Variants in LHFPL4 observed in about 807,000 individuals in gnomAD.
LHFPL4 encodes the protein LHFPL tetraspan subfamily member 4, also known as LHFPL tetraspan subfamily member 4 protein.
A neutral mutation model predicts 20.0 loss-of-function variants in LHFPL4; 6 were observed. That is an observed-to-expected ratio of 0.30 (90% CI 0.16 to 0.59). LHFPL4 has a LOEUF of 0.59. LHFPL4 is among the 20% of genes least tolerant of loss of function. LHFPL4 has a pLI of 0.88. For missense variants in LHFPL4, 215 were observed against 331.2 expected (o/e 0.65, Z 2.72); for synonymous variants, 129 against 143.8 (o/e 0.90, Z 0.74).
chr3:9,552,106 T>C (rs1056086510), intron 2 of LHFPL4, among the ~76,000 whole-genome samples, 168 bp downstream of exon 2: 27 of 149,856 alleles, frequency 1.8e-4, no homozygotes, highest in Admixed American at 1.3e-4. Flanking sequence ...GGTGTCTCTC[T>C]GCAGCGTACC....
At chr3:9,516,167 A>T (rs1322128938) in intron 2 of LHFPL4, among the ~76,000 whole-genome samples, 2 of 152,208 alleles carry the variant, frequency 1.3e-5, no homozygotes, top group African/African-American at 4.8e-5. Flanking sequence ...GTCATTGCCA[A>T]ACCCAAGGTA....
intron 2 of LHFPL4, among the ~76,000 whole-genome samples, chr3:9,535,160 A>G (rs2046437345): frequency 6.6e-6 from 1 of 152,228 alleles, no homozygotes; most frequent in Non-Finnish European, 1.5e-5. Flanking sequence ...TTAGGTCTCA[A>G]AAGGCTTTTA....
chr3:9,523,285 G>A (rs1692202792), intron 2 of LHFPL4, among the ~76,000 whole-genome samples: 1 of 150,946 alleles, frequency 6.6e-6, no homozygotes, highest in African/African-American at 2.4e-5. Flanking sequence ...GGAGGCTGAG[G>A]CAGGAGAATC....
rs1170124009 is a variant in LHFPL4, at chr3:9,552,636, T to C, written c.44A>G (p.Tyr15Cys). The change falls in exon 2 of 4, where the codon TAC becomes TGC. Residue 15 changes from tyrosine to cysteine, a missense_variant. Physicochemically the swap from Tyr to Cys is radical, Grantham distance 194. Transcript: ENST00000287585. ...GCCGATGGCCCGCGAGTTCCGCATG[T>C]AGTGCTCGTGGTAGAGCTTGGAGGC... ...QEASKLYHEH[Y>C]MRNSRAIGVL... 11 of 1,613,460 alleles carry C rather than the reference T, an allele frequency of 6.8e-6. No homozygotes were observed. The highest frequency in any genetic ancestry group is 3.4e-6 in the Non-Finnish European group (4 of 1,179,824).
intron 2 of LHFPL4, among the ~76,000 whole-genome samples, chr3:9,509,341 T>A (rs1313073400): frequency 1.3e-5 from 2 of 151,514 alleles, no homozygotes; most frequent in Non-Finnish European, 2.9e-5. Context: ...TTTCAGCACT[T>A]AACATTCATT....
intron 2 of LHFPL4, among the ~76,000 whole-genome samples, chr3:9,539,002 A>C (rs1013842706): frequency 2.6e-5 from 4 of 152,084 alleles, no homozygotes; most frequent in Non-Finnish European, 5.9e-5. Flanking sequence ...ACCTGGCCCA[A>C]ATTCAGGTTT....
At chr3:9,539,820 T>G (rs577217738) in intron 2 of LHFPL4, among the ~76,000 whole-genome samples, 2 of 152,064 alleles carry the variant, frequency 1.3e-5, no homozygotes, top group African/African-American at 4.8e-5. Flanking sequence ...AGTTTAAAAA[T>G]ATATATATAA....
rs114260259 is a variant in LHFPL4 at position 9,545,420 on chromosome 3, G to A, written c.406+6854C>T. Among the ~76,000 whole-genome samples, 459 of 152,194 alleles carry A rather than the reference G, an allele frequency of 3.0e-3. 1 individual carries two copies. Among genetic ancestry groups the A allele is most frequent in the African/African-American group, 9.8e-3 (406 of 41,534 alleles). On this transcript the variant is annotated intron_variant, in intron 2 of 3. Coordinates refer to ENST00000287585, the MANE Select transcript of LHFPL4 (RefSeq NM_198560.3). Reference sequence around the variant, plus strand: ...TGTGCTGGGCATGGTGGCTCAGGCCGGTAATTCCAGCACTTTGGGAGGCCA... The same window carrying A: ...TGTGCTGGGCATGGTGGCTCAGGCCAGTAATTCCAGCACTTTGGGAGGCCA...
intron 2 of LHFPL4, among the ~76,000 whole-genome samples, chr3:9,509,364 CCT>C (rs1459567866): frequency 6.6e-6 from 1 of 151,864 alleles, no homozygotes; most frequent in African/African-American, 2.4e-5. Context: ...ACTCCCTCCT[CCT>C]CTCTATTTCT....
At chr3:9,521,934 A>G (rs2046340414) in intron 2 of LHFPL4, among the ~76,000 whole-genome samples, 1 of 151,948 alleles carries the variant, frequency 6.6e-6, no homozygotes, top group African/African-American at 2.4e-5. Context: ...ACTATTTTAT[A>G]TTTGTTGACC....
rs557888361 is a variant in LHFPL4 at position 9,517,399 on chromosome 3, AT to A, written c.407-11197del. On this transcript the variant is annotated intron_variant, in intron 2 of 3. Coordinates refer to ENST00000287585, the MANE Select transcript of LHFPL4 (RefSeq NM_198560.3). ...TCTATTTCTTTCACTAGAGTTTGGT[AT>A]TTTTTTTCATATAAATCTTGTAAAT... Among the ~76,000 whole-genome samples the A allele has an allele frequency of 3.5e-4, 53 of 151,926 alleles. No homozygotes were observed. In the South Asian group the frequency reaches 1.0e-2, roughly 29 times the overall value.
At chr3:9,527,187 G>A (rs2046381401) in intron 2 of LHFPL4, among the ~76,000 whole-genome samples, 1 of 152,112 alleles carries the variant, frequency 6.6e-6, no homozygotes, top group Non-Finnish European at 1.5e-5. Flanking sequence ...TGGCCTCTGG[G>A]TGGGGCTTGG....
At chr3:9,505,868 A>C in intron 3 of LHFPL4, 99 bp downstream of exon 3, 1 of 1,180,084 alleles carries the variant, frequency 8.5e-7, no homozygotes, top group South Asian at 1.4e-5. Context: ...CAGGGTTTCC[A>C]ATTCATGCAA....
chr3:9,551,356 C>T (rs1223348550), intron 2 of LHFPL4, among the ~76,000 whole-genome samples: 1 of 150,722 alleles, frequency 6.6e-6, no homozygotes, highest in Non-Finnish European at 1.5e-5. Context: ...CATCCCCTGG[C>T]CCCACTTTCC....
At position 9,501,581 on chromosome 3, in the gene LHFPL4, T is replaced by C. The variant is rs2046175056; in HGVS notation, c.*630A>G. ...GACTCTGGGCTGATCAGGGCCCCGGTCTGCAGCTGACAGCAGGGCCCTGTG... is the reference window on the plus strand; with the variant it reads ...GACTCTGGGCTGATCAGGGCCCCGGCCTGCAGCTGACAGCAGGGCCCTGTG... On this transcript the variant is annotated 3_prime_UTR_variant, in exon 4 of 4. Transcript: ENST00000287585. The C allele has an allele frequency of 6.6e-6, 1 of 152,242 alleles. No individual in the cohort carries two copies. Among genetic ancestry groups the C allele is most frequent in the Non-Finnish European group, 1.5e-5 (1 of 68,170 alleles). 9.4% of individuals were successfully genotyped at this position (152,242 alleles called of 1,614,324 possible). A position where few individuals can be genotyped will look rare whatever the true frequency, so the allele number is the denominator to read the frequency against.
At position 9,501,589 on chromosome 3, in the gene LHFPL4, T is replaced by G. The variant is rs1339887310; in HGVS notation, c.*622A>C. 1 of 152,302 alleles carries G rather than the reference T, an allele frequency of 6.6e-6. No individual in the cohort carries two copies. Among genetic ancestry groups the G allele is most frequent in the Non-Finnish European group, 1.5e-5 (1 of 68,190 alleles). The allele number at this position is 152,302 out of a possible 1,614,324, so 9.4% of individuals were successfully genotyped here. A position where few individuals can be genotyped will look rare whatever the true frequency, so the allele number is the denominator to read the frequency against. On this transcript the variant is annotated 3_prime_UTR_variant, in exon 4 of 4. Coordinates refer to ENST00000287585, the MANE Select transcript of LHFPL4 (RefSeq NM_198560.3). ...GCTGATCAGGGCCCCGGTCTGCAGCTGACAGCAGGGCCCTGTGCATCCCTC... is the reference window on the plus strand; with the variant it reads ...GCTGATCAGGGCCCCGGTCTGCAGCGGACAGCAGGGCCCTGTGCATCCCTC...
chr3:9,529,853 G>A (rs1196473828), intron 2 of LHFPL4, among the ~76,000 whole-genome samples: 1 of 151,022 alleles, frequency 6.6e-6, no homozygotes, highest in Non-Finnish European at 1.5e-5. Flanking sequence ...TGCTGGTCTT[G>A]AACTCCTGAC....
At chr3:9,531,121 G>A (rs540017509) in intron 2 of LHFPL4, among the ~76,000 whole-genome samples, 4 of 152,302 alleles carry the variant, frequency 2.6e-5, no homozygotes, top group African/African-American at 9.6e-5. Context: ...CATGGGCGCA[G>A]TTCATGGTGC....
At chr3:9,526,159 A>T (rs1424576226) in intron 2 of LHFPL4, among the ~76,000 whole-genome samples, 2 of 152,246 alleles carry the variant, frequency 1.3e-5, no homozygotes, top group Non-Finnish European at 2.9e-5. Flanking sequence ...TTCCATTTAT[A>T]TGAGCTACCT....
Sources: allele counts gnomAD v4.1 joint callset (sites outside exome capture counted in the v4.1 genomes callset), GRCh38; gene constraint gnomAD v4.1.1; transcripts MANE v1.5; gene names NCBI Gene and HGNC (gene_info 2026-07-23, HGNC 2026-07-21).